GRAMD1B: variants seen among roughly 807,000 people sequenced by gnomAD.
The protein encoded by GRAMD1B is GRAM domain containing 1B, also known as protein Aster-B.
GRAMD1B carries 37 observed loss-of-function variants against 99.7 expected under a neutral mutation model. The ratio of observed to expected loss-of-function variants is 0.37; its 90% CI spans 0.29 to 0.49. The LOEUF is 0.49. Ranked by LOEUF, GRAMD1B falls within the 20% of genes least tolerant of loss-of-function variation. The pLI, the probability that GRAMD1B is intolerant of heterozygous loss-of-function variation, is 0.98. For missense variants in GRAMD1B, 888 were observed against 1,009.2 expected, an observed-to-expected ratio of 0.88 and a Z score of 1.63; for synonymous variants, 427 against 387.6, an observed-to-expected ratio of 1.10 and a Z score of -1.19.
At chr11:123,362,429 G>T (rs566459519) in intron 1 of GRAMD1B, among the ~76,000 whole-genome samples, 3 of 152,326 alleles carry the variant, frequency 2.0e-5, no homozygotes, top group Admixed American at 6.5e-5. Context: ...TAAAAGAGAA[G>T]TTTTTCCCTT....
In GRAMD1B at chr11:123,559,944, C is replaced by A. The variant is rs77147540; in HGVS notation, c.453-17423C>A. Among the ~76,000 whole-genome samples, 488 of 152,294 alleles carry A rather than the reference C, an allele frequency of 3.2e-3. 1 individual carries two copies. Among genetic ancestry groups the A allele is most frequent in the African/African-American group, 0.011 (459 of 41,564 alleles). On this transcript the variant is annotated intron_variant, in intron 2 of 19. Coordinates refer to ENST00000635736, the MANE Select transcript of GRAMD1B (RefSeq NM_001387025.1). ...CACCTGTGTTTTTATTTAGTGTCAC[C>A]TCCTTGATACAGGTCGACCTAGTGG...
At position 123,610,187 on chromosome 11, in the gene GRAMD1B, T is replaced by C; in HGVS notation, c.1777-9T>C. ...TCAGTTTTGTCCAATGGACCTTTCCTGCCCGCAGACCATGTACAAGGCGAG... is the reference window on the plus strand; with the variant it reads ...TCAGTTTTGTCCAATGGACCTTTCCCGCCCGCAGACCATGTACAAGGCGAG... On this transcript the variant is annotated splice_polypyrimidine_tract_variant and intron_variant, in intron 13 of 19. Transcript: ENST00000635736. This position sits in a 1 kb window ranked among gnomAD's most constrained non-coding sequence, Gnocchi z 4.1. 6.2e-7 allele frequency: 1 copy of C among 1,613,880 alleles called. No individual in the cohort carries two copies. The highest frequency in any genetic ancestry group is 1.1e-5 in the South Asian group (1 of 91,066).
At chr11:123,522,837 T>C (rs1280847732) in intron 2 of GRAMD1B, among the ~76,000 whole-genome samples, 1 of 152,180 alleles carries the variant, frequency 6.6e-6, no homozygotes, top group African/African-American at 2.4e-5. Context: ...TTAGTCTTGA[T>C]TTAGTCTCTT....
chr11:123,599,525 T>C (rs919165589), intron 7 of GRAMD1B: 2 of 531,300 alleles, frequency 3.8e-6, no homozygotes, highest in African/African-American at 3.8e-5. Flanking sequence ...CAGGCTGGAG[T>C]GCAGTAGCAC....
At chr11:123,509,030 T>G (rs1940719646) in intron 2 of GRAMD1B, among the ~76,000 whole-genome samples, 1 of 152,118 alleles carries the variant, frequency 6.6e-6, no homozygotes, top group African/African-American at 2.4e-5. Flanking sequence ...AACACTTGCT[T>G]TGTTGTTTTT....
intron 1 of GRAMD1B, among the ~76,000 whole-genome samples, chr11:123,382,724 T>TA (rs1471170971): frequency 6.6e-6 from 1 of 152,156 alleles, no homozygotes; most frequent in Non-Finnish European, 1.5e-5. Context: ...GGGGGGCGTT[T>TA]AAGAAAGGGA....
At position 123,622,649 on chromosome 11, in the gene GRAMD1B, CATATAAATATATAT is replaced by C. The variant is rs892784381; in HGVS notation, c.*74_*87del. The C allele has an allele frequency of 5.4e-5, 28 of 523,208 alleles. No individual in the cohort carries two copies. The highest frequency in any genetic ancestry group is 2.7e-4 in the South Asian group (10 of 37,342). The allele number at this position is 523,208 out of a possible 1,614,324, so 32.4% of individuals were successfully genotyped here. ...GCCTGTGCAATACATGTACATAGACCATATAAATATATATATATAAATATATATATATACAGAAT... is the reference window on the plus strand; with the variant it reads ...GCCTGTGCAATACATGTACATAGACCATATAAATATATATATATACAGAAT... On this transcript the variant is annotated 3_prime_UTR_variant, in exon 20 of 20. Coordinates refer to ENST00000635736, the MANE Select transcript of GRAMD1B (RefSeq NM_001387025.1).
intron 1 of GRAMD1B, chr11:123,381,629 G>C (rs1178176563): frequency 6.6e-6 from 1 of 152,444 alleles, no homozygotes; most frequent in Non-Finnish European, 1.5e-5. Context: ...TATATAGGTT[G>C]AAGGTTCCTG....
chr11:123,363,775 C>T (rs1946227505), intron 1 of GRAMD1B, among the ~76,000 whole-genome samples: 2 of 152,240 alleles, frequency 1.3e-5, no homozygotes, highest in South Asian at 4.2e-4. Flanking sequence ...ACTTTGCTGA[C>T]GGGACAGTGC....
rs980011886 is a variant in GRAMD1B, at chr11:123,430,464, G to C, written c.-329G>C. The C allele has an allele frequency of 3.1e-6, 1 of 327,752 alleles. No individual in the cohort carries two copies. Among genetic ancestry groups the C allele is most frequent in the African/African-American group, 2.2e-5 (1 of 46,122 alleles). 20.3% of individuals were successfully genotyped at this position (327,752 alleles called of 1,614,324 possible). A position where few individuals can be genotyped will look rare whatever the true frequency, so the allele number is the denominator to read the frequency against. ...CAAAGACGCCAGCAAGCGAGGAAGC[G>C]CAGCGGAAGAAAAACAAGCGGGCGC... is the stretch of plus-strand genomic sequence containing the variant. On this transcript the variant is annotated 5_prime_UTR_variant, in exon 1 of 20. Transcript: ENST00000635736.
rs886359067 is a variant in GRAMD1B at position 123,581,863 on chromosome 11, G to A, written c.664-2449G>A. Among the ~76,000 whole-genome samples the A allele has an allele frequency of 2.6e-5, 4 of 152,338 alleles. No individual in the cohort carries two copies. In the South Asian group the frequency reaches 6.2e-4, roughly 24 times the overall value. ...AGATTTGGAAGGCACAAGCGCCGAT[G>A]TGCCAGCCCATGCAAAGGGACCATC... On this transcript the variant is annotated intron_variant, in intron 3 of 19. Transcript: ENST00000635736.
intron 1 of GRAMD1B, among the ~76,000 whole-genome samples, chr11:123,437,899 C>T (rs1384114236): frequency 6.6e-6 from 1 of 152,206 alleles, no homozygotes; most frequent in Non-Finnish European, 1.5e-5. Flanking sequence ...CCCTCAGCCC[C>T]CGTCACTATT....
chr11:123,614,928 C>T (rs903049270), intron 17 of GRAMD1B, 93 bp downstream of exon 17: 2 of 680,574 alleles, frequency 2.9e-6, no homozygotes, highest in Admixed American at 2.5e-5. Context: ...TCTGAGCACC[C>T]TTACTGTTTG....
intron 1 of GRAMD1B, among the ~76,000 whole-genome samples, chr11:123,373,965 A>G (rs1946613044): frequency 6.6e-6 from 1 of 152,236 alleles, no homozygotes. Flanking sequence ...ATCAGTTAAC[A>G]GCCATGTAGT....
chr11:123,413,724 C>G (rs1948130691), intron 1 of GRAMD1B, among the ~76,000 whole-genome samples: 2 of 152,106 alleles, frequency 1.3e-5, no homozygotes, highest in Non-Finnish European at 2.9e-5. Flanking sequence ...CAGTCCCACC[C>G]CCACCCCAGC....
chr11:123,502,383 G>C (rs1939952759), intron 2 of GRAMD1B, among the ~76,000 whole-genome samples: 1 of 152,124 alleles, frequency 6.6e-6, no homozygotes, highest in South Asian at 2.1e-4. Context: ...CAATATTACT[G>C]GACCTAGCCC....
At chr11:123,487,296 T>C (rs996742859) in intron 2 of GRAMD1B, among the ~76,000 whole-genome samples, 21 of 152,176 alleles carry the variant, frequency 1.4e-4, no homozygotes, top group Non-Finnish European at 2.9e-4. Flanking sequence ...TCCAGAAAAC[T>C]CTACAGAGGG....
At chr11:123,575,492 T>C (rs932097204) in intron 2 of GRAMD1B, among the ~76,000 whole-genome samples, 18 of 152,182 alleles carry the variant, frequency 1.2e-4, no homozygotes, top group Non-Finnish European at 2.1e-4. Flanking sequence ...TCTCTAGTTA[T>C]TTTTTGAGCA....
chr11:123,464,206 G>A (rs1340777364), intron 1 of GRAMD1B, among the ~76,000 whole-genome samples: 1 of 152,032 alleles, frequency 6.6e-6, no homozygotes, highest in Non-Finnish European at 1.5e-5. Flanking sequence ...CGGCAGGCTG[G>A]GGTGGAAGGA....
Sources: allele counts gnomAD v4.1 joint callset (sites outside exome capture counted in the v4.1 genomes callset), GRCh38; gene constraint gnomAD v4.1.1; non-coding constraint Gnocchi (gnomAD v3.1); transcripts MANE v1.5; gene names NCBI Gene and HGNC (gene_info 2026-07-23, HGNC 2026-07-21).